Variants in CTNND2 observed in about 807,000 individuals in gnomAD.
CTNND2 encodes catenin delta-2.
In CTNND2, 22 loss-of-function variants were observed where a neutral mutation model predicts 144.4. The ratio of observed to expected loss-of-function variants is 0.15; its 90% CI spans 0.11 to 0.22. CTNND2 has a LOEUF of 0.22. Among genes scored for constraint, CTNND2 ranks in the 10% least tolerant of loss-of-function variants. The probability of loss-of-function intolerance (pLI) is 1.00; values close to 1 mark genes in which losing one functional copy is unlikely to be tolerated. For missense variants in CTNND2, 1,353 were observed against 1,618.8 expected (o/e 0.84, Z 2.82); for synonymous variants, 751 against 695.6 (o/e 1.08, Z -1.25).
chr5:11,903,336 G>C lies in CTNND2; in HGVS notation c.37+481C>G. ...CGCGGGAGCCTGAAGACACGGCCAT[G>C]GACGCATATGACTAAGTCTTTCCAT... On this transcript the variant is annotated intron_variant, in intron 1 of 21. Transcript: ENST00000304623. This position sits in a 1 kb window ranked among gnomAD's most constrained non-coding sequence, Gnocchi z 5.4. The C allele has an allele frequency of 1.0e-6, 1 of 986,884 alleles. No homozygotes were observed. Among genetic ancestry groups the C allele is most frequent in the Non-Finnish European group, 1.2e-6 (1 of 831,028 alleles). The allele number at this position is 986,884 out of a possible 1,614,324, so 61.1% of individuals were successfully genotyped here. A position where few individuals can be genotyped will look rare whatever the true frequency, so the allele number is the denominator to read the frequency against.
chr5:11,111,086 G>A (rs1331849294), intron 13 of CTNND2, 43 bp from the exon 14 acceptor site: 5 of 1,568,378 alleles, frequency 3.2e-6, no homozygotes, highest in Non-Finnish European at 4.4e-6. Flanking sequence ...AGTAAAACTA[G>A]CACTCAGCAC....
At chr5:11,067,468 C>T (rs1019238422) in intron 16 of CTNND2, among the ~76,000 whole-genome samples, 1 of 152,210 alleles carries the variant, frequency 6.6e-6, no homozygotes, top group African/African-American at 2.4e-5. Flanking sequence ...TGGGCCAAAG[C>T]GCAAGAGGGA....
chr5:11,379,125 T>G (rs1758230557), intron 7 of CTNND2, among the ~76,000 whole-genome samples: 1 of 152,178 alleles, frequency 6.6e-6, no homozygotes, highest in African/African-American at 2.4e-5. Flanking sequence ...ATCCCGAAAG[T>G]GAAAGGATTA....
intron 3 of CTNND2, among the ~76,000 whole-genome samples, chr5:11,528,090 TATCA>T (rs767179638): frequency 1.4e-4 from 22 of 152,204 alleles, no homozygotes; most frequent in Non-Finnish European, 2.8e-4. Context: ...GCGGGGGACT[TATCA>T]ATCAATGTCA....
chr5:11,366,437 C>T (rs1756983628), intron 7 of CTNND2, among the ~76,000 whole-genome samples: 1 of 152,130 alleles, frequency 6.6e-6, no homozygotes, highest in Admixed American at 6.5e-5. Flanking sequence ...CCTTACCATT[C>T]TCTTTGCTGG....
chr5:11,301,011 TTTC>T (rs1187027091), intron 9 of CTNND2, among the ~76,000 whole-genome samples: 1 of 152,124 alleles, frequency 6.6e-6, no homozygotes, highest in African/African-American at 2.4e-5. Flanking sequence ...CCCCTTCTGC[TTTC>T]TTTTTTGAGA....
intron 16 of CTNND2, among the ~76,000 whole-genome samples, chr5:11,030,168 A>G (rs1245018076): frequency 1.3e-5 from 2 of 152,118 alleles, no homozygotes; most frequent in Non-Finnish European, 2.9e-5. Flanking sequence ...TCTGCTTTCA[A>G]GATTCTTTAT....
chr5:10,997,913 T>C (rs1204151537), intron 18 of CTNND2, among the ~76,000 whole-genome samples: 3 of 152,230 alleles, frequency 2.0e-5, no homozygotes, highest in Non-Finnish European at 2.9e-5. Flanking sequence ...GCTGTAGGAC[T>C]GGTTTCACTT....
chr5:11,327,203 A>T (rs567230461), intron 9 of CTNND2, among the ~76,000 whole-genome samples: 153 of 152,276 alleles, frequency 1.0e-3, no homozygotes, highest in African/African-American at 3.5e-3. Context: ...GTGGGAAAGG[A>T]CAAAGAAGGG....
At chr5:11,556,599 T>G (rs979227014) in intron 3 of CTNND2, among the ~76,000 whole-genome samples, 1 of 152,182 alleles carries the variant, frequency 6.6e-6, no homozygotes, top group Non-Finnish European at 1.5e-5. Flanking sequence ...TTTTTGCATA[T>G]GTGGAAAAGA....
At chr5:11,095,754 T>C (rs1751276084) in intron 15 of CTNND2, among the ~76,000 whole-genome samples, 1 of 152,228 alleles carries the variant, frequency 6.6e-6, no homozygotes, top group African/African-American at 2.4e-5. Context: ...CTTTGTACTT[T>C]AACATGTCTT....
chr5:10,989,098 G>A, intron 19 of CTNND2, among the ~76,000 whole-genome samples: 1 of 152,198 alleles, frequency 6.6e-6, no homozygotes, highest in East Asian at 1.9e-4. Flanking sequence ...CAGAGGCAAG[G>A]AAGTCAGTAA....
chr5:11,803,733 G>A (rs1040207528), intron 1 of CTNND2, among the ~76,000 whole-genome samples: 1 of 152,098 alleles, frequency 6.6e-6, no homozygotes, highest in Non-Finnish European at 1.5e-5. Context: ...TTTTCTCACT[G>A]TTTCAAAGGG....
intron 10 of CTNND2, among the ~76,000 whole-genome samples, chr5:11,199,995 T>C (rs1737263225): frequency 6.6e-6 from 1 of 152,192 alleles, no homozygotes; most frequent in South Asian, 2.1e-4. Context: ...ATAAAAGGCA[T>C]TAGAGTGATC....
intron 2 of CTNND2, among the ~76,000 whole-genome samples, chr5:11,588,132 A>ACTG (rs1778995436): frequency 1.3e-5 from 2 of 152,150 alleles, no homozygotes; most frequent in Non-Finnish European, 2.9e-5. Context: ...TTCTAGTATA[A>ACTG]ACTTATCACT....
rs553348082 is a variant in CTNND2, at chr5:11,484,369, G to C, written c.288-72300C>G. The stretch of plus-strand genomic sequence containing the variant: ...TATGACAATGCCTAGGTAAGAGTTA[G>C]TAAATGTGGGTTGTATTTGATGTCA... On this transcript the variant is annotated intron_variant, in intron 3 of 21. Transcript: ENST00000304623. Among the ~76,000 whole-genome samples, 3 of 152,310 alleles carry C rather than the reference G, an allele frequency of 2.0e-5. No homozygotes were observed. In the South Asian group the frequency reaches 6.2e-4, roughly 32 times the overall value.
chr5:11,751,050 A>G (rs1215588015), intron 1 of CTNND2, among the ~76,000 whole-genome samples: 2 of 151,852 alleles, frequency 1.3e-5, no homozygotes, highest in Admixed American at 1.3e-4. Flanking sequence ...TATATCAGGA[A>G]ATTAAAGAAA....
chr5:11,365,681 T>C (rs1756910762), intron 7 of CTNND2, among the ~76,000 whole-genome samples: 1 of 152,132 alleles, frequency 6.6e-6, no homozygotes, highest in Non-Finnish European at 1.5e-5. Context: ...CACGAGAAAG[T>C]CTCTGAAGAA....
intron 3 of CTNND2, among the ~76,000 whole-genome samples, chr5:11,426,097 T>C (rs1398609475): frequency 3.9e-5 from 6 of 152,320 alleles, no homozygotes; most frequent in Admixed American, 2.6e-4. Context: ...TCCTTGGCTA[T>C]AAATTCCCAC....
Sources: allele counts gnomAD v4.1 joint callset (sites outside exome capture counted in the v4.1 genomes callset), GRCh38; gene constraint gnomAD v4.1.1; non-coding constraint Gnocchi (gnomAD v3.1); transcripts MANE v1.5; gene names NCBI Gene and HGNC (gene_info 2026-07-23, HGNC 2026-07-21).